Variants in NCAM2 observed in about 807,000 individuals in gnomAD.
NCAM2 encodes the protein N-CAM-2.
NCAM2 carries 30 observed loss-of-function variants against 98.1 expected under a neutral mutation model. That is an observed-to-expected ratio of 0.31 (90% CI 0.23 to 0.41). The LOEUF is 0.41. Among genes scored for constraint, NCAM2 ranks in the 10% least tolerant of loss-of-function variants. The pLI, the probability that NCAM2 is intolerant of heterozygous loss-of-function variation, is 1.00. For synonymous variants in NCAM2, 368 were observed against 342.4 expected (o/e 1.07, Z -0.83); for missense variants, 867 against 1,005.8 (o/e 0.86, Z 1.87).
At chr21:21,244,461 A>T (rs963159347) in intron 1 of NCAM2, among the ~76,000 whole-genome samples, 1 of 152,160 alleles carries the variant, frequency 6.6e-6, no homozygotes, top group Non-Finnish European at 1.5e-5. Context: ...GATAATACGA[A>T]GTTTTCACCC....
At chr21:21,140,707 G>C (rs1251215524) in intron 1 of NCAM2, among the ~76,000 whole-genome samples, 11 of 151,776 alleles carry the variant, frequency 7.2e-5, no homozygotes, top group African/African-American at 2.7e-4. Flanking sequence ...TGTCACTTTT[G>C]TTCAGACCAC....
chr21:21,438,895 C>A (rs1488084950), intron 12 of NCAM2, among the ~76,000 whole-genome samples: 3 of 151,868 alleles, frequency 2.0e-5, no homozygotes, highest in South Asian at 2.1e-4. Context: ...TCAGTCTGGG[C>A]AACAAAGCAA....
chr21:21,396,115 G>A (rs1164622092), intron 9 of NCAM2, among the ~76,000 whole-genome samples: 1 of 149,160 alleles, frequency 6.7e-6, no homozygotes, highest in East Asian at 2.0e-4. Flanking sequence ...CTGTGCATCC[G>A]ACAAAGGACT....
At chr21:21,175,018 A>G (rs1255771282) in intron 1 of NCAM2, among the ~76,000 whole-genome samples, 1 of 152,216 alleles carries the variant, frequency 6.6e-6, no homozygotes, top group Non-Finnish European at 1.5e-5. Flanking sequence ...GAAAAATTAT[A>G]TAGATCCTTG....
rs1215031747 is a variant in NCAM2 at position 21,409,140 on chromosome 21, AT to A, written c.1196-1133del. On this transcript the variant is annotated intron_variant, in intron 9 of 17. Transcript: ENST00000400546. ...TTGAGAATTATGCTTTCATGTAAAA[AT>A]AATTATAAAATCTTCTCAAATAATT... 2.6e-5 allele frequency among the ~76,000 whole-genome samples: 4 copies of A among 152,280 alleles called. No homozygotes were observed. In the East Asian group the frequency reaches 7.7e-4, roughly 29 times the overall value.
intron 1 of NCAM2, among the ~76,000 whole-genome samples, chr21:21,230,319 G>C (rs2070571062): frequency 6.7e-6 from 1 of 149,600 alleles, no homozygotes; most frequent in East Asian, 1.9e-4. Context: ...ACTTTTTTTT[G>C]AGATTATGAT....
At chr21:21,187,459 C>CA (rs945437400) in intron 1 of NCAM2, among the ~76,000 whole-genome samples, 31 of 150,976 alleles carry the variant, frequency 2.1e-4, no homozygotes, top group African/African-American at 4.8e-4. Context: ...ACAACAACAA[C>CA]AACAAAAAAG....
intron 1 of NCAM2, among the ~76,000 whole-genome samples, chr21:21,040,574 A>C (rs1214736143): frequency 6.6e-6 from 1 of 152,114 alleles, no homozygotes; most frequent in African/African-American, 2.4e-5. Context: ...AATATGGTAT[A>C]TATACACAAT....
rs368301027 is a variant in NCAM2, at chr21:21,318,410, C to T, written c.620-5973C>T. ...GTCACAGTAATGTTTTACCTCCTTT[C>T]AACTGTAACTTTTCACTTAGATTTT... On this transcript the variant is annotated intron_variant, in intron 5 of 17. Coordinates refer to ENST00000400546, the MANE Select transcript of NCAM2 (RefSeq NM_004540.5). 9.1e-4 allele frequency among the ~76,000 whole-genome samples: 139 copies of T among 152,210 alleles called. 4 individuals are homozygous for T. In the South Asian group the frequency reaches 0.027, roughly 29 times the overall value.
chr21:21,073,107 C>G (rs1487727510), intron 1 of NCAM2, among the ~76,000 whole-genome samples: 1 of 152,070 alleles, frequency 6.6e-6, no homozygotes, highest in African/African-American at 2.4e-5. Flanking sequence ...TTCACTTAGC[C>G]TAATGACTTG....
chr21:21,126,249 A>AAAAAAAAAAAAAAAAAAAAG (rs2066821187), intron 1 of NCAM2, among the ~76,000 whole-genome samples: 1 of 150,980 alleles, frequency 6.6e-6, no homozygotes, highest in Non-Finnish European at 1.5e-5. Flanking sequence ...AAAAAAAAAA[A>AAAAAAAAAAAAAAAAAAAAG]AAAAAAAAAT....
intron 14 of NCAM2, among the ~76,000 whole-genome samples, chr21:21,470,099 G>A (rs1262999342): frequency 6.6e-6 from 1 of 152,030 alleles, no homozygotes; most frequent in African/African-American, 2.4e-5. Flanking sequence ...ATGACTACTT[G>A]TGAGACAACG....
chr21:21,278,611 A>G (rs1318053521), intron 1 of NCAM2, among the ~76,000 whole-genome samples: 1 of 152,096 alleles, frequency 6.6e-6, no homozygotes, highest in African/African-American at 2.4e-5. Context: ...CTATAATATC[A>G]CAACCATTCT....
At position 21,147,849 on chromosome 21, in the gene NCAM2, G is replaced by T. The variant is rs530637838; in HGVS notation, c.56-132729G>T. On this transcript the variant is annotated intron_variant, in intron 1 of 17. Transcript: ENST00000400546. Reference sequence around the variant, plus strand: ...TTTATAAAATACCCTATTTATATAGGATATTTAAATTAGGATAATTTTTCA... The same window carrying T: ...TTTATAAAATACCCTATTTATATAGTATATTTAAATTAGGATAATTTTTCA... 1.6e-3 allele frequency among the ~76,000 whole-genome samples: 247 copies of T among 150,362 alleles called. 2 individuals carry two copies. The highest frequency in any genetic ancestry group is 5.7e-3 in the African/African-American group (235 of 41,080).
intron 5 of NCAM2, 107 bp downstream of exon 5, chr21:21,292,348 C>T: frequency 9.4e-7 from 1 of 1,059,766 alleles, no homozygotes; most frequent in Non-Finnish European, 1.3e-6. Flanking sequence ...TAATAAACCT[C>T]TTCTATACCA....
At chr21:21,134,123 C>A (rs1218503271) in intron 1 of NCAM2, among the ~76,000 whole-genome samples, 1 of 149,126 alleles carries the variant, frequency 6.7e-6, no homozygotes, top group Non-Finnish European at 1.5e-5. Context: ...GGCTGGAGTG[C>A]AATGGTGCAA....
chr21:21,368,619 TGTTCTTATATG>T (rs1483678029), intron 8 of NCAM2, among the ~76,000 whole-genome samples: 1 of 151,928 alleles, frequency 6.6e-6, no homozygotes, highest in East Asian at 1.9e-4. Context: ...TTTCTTCTTG[TGTTCTTATATG>T]GTGCATGGGA....
At chr21:21,384,365 G>T (rs910607290) in intron 9 of NCAM2, among the ~76,000 whole-genome samples, 1 of 151,458 alleles carries the variant, frequency 6.6e-6, no homozygotes, top group African/African-American at 2.4e-5. Flanking sequence ...GGTTATTAAT[G>T]TCTTACATGT....
intron 1 of NCAM2, among the ~76,000 whole-genome samples, chr21:21,127,650 C>T (rs747157474): frequency 2.6e-5 from 4 of 152,130 alleles, no homozygotes; most frequent in East Asian, 1.9e-4. Context: ...CACTATTCTA[C>T]TCTCTACCTT....
Sources: allele counts gnomAD v4.1 joint callset (sites outside exome capture counted in the v4.1 genomes callset), GRCh38; gene constraint gnomAD v4.1.1; transcripts MANE v1.5; gene names NCBI Gene and HGNC (gene_info 2026-07-23, HGNC 2026-07-21).